Variants in BCAS3 observed in about 807,000 individuals in gnomAD.
The protein encoded by BCAS3 is BCAS3 microtubule associated cell migration factor.
Under a neutral mutation model 116.1 loss-of-function variants are expected in BCAS3, and 53 were observed. That is an observed-to-expected ratio of 0.46 (90% CI 0.37 to 0.57). The LOEUF is 0.57. Among genes scored for constraint, BCAS3 ranks in the 20% least tolerant of loss-of-function variants. The pLI is 0.00. For missense variants in BCAS3, 917 were observed against 1,165.4 expected (o/e 0.79, Z 3.10); for synonymous variants, 391 against 408.2 (o/e 0.96, Z 0.51).
intron 14 of BCAS3, among the ~76,000 whole-genome samples, chr17:60,982,430 C>T (rs1435982181): frequency 6.6e-6 from 1 of 152,166 alleles, no homozygotes; most frequent in Non-Finnish European, 1.5e-5. Flanking sequence ...ACCTTAGCCT[C>T]CTGAGTAGCT....
At chr17:60,894,730 G>T (rs949573616) in intron 10 of BCAS3, among the ~76,000 whole-genome samples, 20 of 152,172 alleles carry the variant, frequency 1.3e-4, no homozygotes, top group African/African-American at 3.9e-4. Context: ...ATTATTTTGA[G>T]ATAATTTCCT....
chr17:60,704,332 T>G (rs2036837423), intron 4 of BCAS3, among the ~76,000 whole-genome samples: 1 of 152,142 alleles, frequency 6.6e-6, no homozygotes, highest in South Asian at 2.1e-4. Context: ...CTCTATTGTT[T>G]TGTGCAAATA....
At position 61,347,297 on chromosome 17, in the gene BCAS3, G is replaced by T. The variant is rs551039364; in HGVS notation, c.2426-21030G>T. Among the ~76,000 whole-genome samples, 1 of 152,034 alleles carries T rather than the reference G, an allele frequency of 6.6e-6. No individual in the cohort carries two copies. The highest frequency in any genetic ancestry group is 1.5e-5 in the Non-Finnish European group (1 of 68,004). ...GGGTTACACCGTGTTGGCCAGGCTG[G>T]TCTCGATATGCTGACCTCAGGTGAT... is the stretch of plus-strand genomic sequence containing the variant. On this transcript the variant is annotated intron_variant, in intron 22 of 23. Transcript: ENST00000407086. The surrounding 1 kb of genome is among the most constrained non-coding windows in gnomAD (Gnocchi z 4.3).
intron 6 of BCAS3, among the ~76,000 whole-genome samples, chr17:60,793,560 CT>C (rs903108056): frequency 6.6e-6 from 1 of 152,112 alleles, no homozygotes; most frequent in Non-Finnish European, 1.5e-5. Context: ...CCCCATCTCA[CT>C]TTCCCCCCAA....
intron 6 of BCAS3, among the ~76,000 whole-genome samples, chr17:60,767,817 T>C (rs2044269677): frequency 6.6e-6 from 1 of 152,088 alleles, no homozygotes; most frequent in Non-Finnish European, 1.5e-5. Context: ...TTACATTCTT[T>C]AGAGACGGGG....
At position 61,259,013 on chromosome 17, in the gene BCAS3, G is replaced by A. The variant is rs565075227; in HGVS notation, c.2426-109314G>A. ...CTTAAACCCAAGGGTCTAAGTATCA[G>A]TGCCCTTCTCTCCTAAACATCTTGC... is the stretch of plus-strand genomic sequence containing the variant. On this transcript the variant is annotated intron_variant, in intron 22 of 23. Transcript: ENST00000407086. The surrounding 1 kb of genome is among the most constrained non-coding windows in gnomAD (Gnocchi z 4.7). 3.4e-4 allele frequency among the ~76,000 whole-genome samples: 52 copies of A among 152,288 alleles called. 1 individual carries two copies. In the Middle Eastern group the frequency reaches 0.017, roughly 50 times the overall value.
chr17:61,203,176 C>T lies in BCAS3; in HGVS notation c.2425+118612C>T, dbSNP rs1020435427. Among the ~76,000 whole-genome samples, 4 of 151,760 alleles carry T rather than the reference C, an allele frequency of 2.6e-5. No homozygotes were observed. The highest frequency in any genetic ancestry group is 1.9e-4 in the East Asian group (1 of 5,196). On this transcript the variant is annotated intron_variant, in intron 22 of 23. Transcript: ENST00000407086. This position sits in a 1 kb window ranked among gnomAD's most constrained non-coding sequence, Gnocchi z 5.7. Reference sequence around the variant, plus strand: ...ACTTCTCTTTTATTCTTCTTTTTTTCGAGACAGTTTCACTCTTGTCACTCA... The same window carrying T: ...ACTTCTCTTTTATTCTTCTTTTTTTTGAGACAGTTTCACTCTTGTCACTCA...
chr17:60,685,434 GA>G (rs2033873273), intron 3 of BCAS3, among the ~76,000 whole-genome samples: 1 of 128,522 alleles, frequency 7.8e-6, no homozygotes, highest in Non-Finnish European at 1.6e-5. Context: ...TGGGCAATAA[GA>G]GTGAAACTCC....
chr17:61,173,655 G>T (rs531089824), intron 22 of BCAS3, among the ~76,000 whole-genome samples: 16 of 152,070 alleles, frequency 1.1e-4, no homozygotes, highest in Non-Finnish European at 1.6e-4. Flanking sequence ...GAGGCTGAAG[G>T]ATCACTAGAG....
intron 23 of BCAS3, among the ~76,000 whole-genome samples, chr17:61,385,099 C>T (rs894104489): frequency 1.3e-5 from 2 of 152,206 alleles, no homozygotes; most frequent in Non-Finnish European, 2.9e-5. Context: ...GAGCCAATCT[C>T]AGCCAACTCC....
intron 4 of BCAS3, among the ~76,000 whole-genome samples, chr17:60,705,995 C>A (rs1047858103): frequency 6.6e-6 from 1 of 152,170 alleles, no homozygotes; most frequent in African/African-American, 2.4e-5. Flanking sequence ...TCTGTTACCC[C>A]TGAGGGAGAT....
intron 18 of BCAS3, 90 bp from the exon 19 acceptor site, chr17:61,040,702 T>G: frequency 9.6e-7 from 1 of 1,040,934 alleles, no homozygotes; most frequent in South Asian, 1.4e-5. Context: ...AGTGTGAGTT[T>G]AAGTCACTGT....
intron 7 of BCAS3, among the ~76,000 whole-genome samples, chr17:60,866,956 T>C (rs1248955701): frequency 6.6e-6 from 1 of 152,142 alleles, no homozygotes; most frequent in Non-Finnish European, 1.5e-5. Flanking sequence ...TTTTTCTTTA[T>C]TGTACCTTTA....
At chr17:60,736,365 T>C (rs1428654538) in intron 5 of BCAS3, among the ~76,000 whole-genome samples, 1 of 152,070 alleles carries the variant, frequency 6.6e-6, no homozygotes, top group Non-Finnish European at 1.5e-5. Context: ...TTTGTATTTT[T>C]ATTAGAGACG....
At chr17:60,686,254 C>T (rs544714161) in intron 3 of BCAS3, among the ~76,000 whole-genome samples, 5 of 152,164 alleles carry the variant, frequency 3.3e-5, no homozygotes, top group South Asian at 2.1e-4. Context: ...CAGAGTCCTG[C>T]GTTGGTACTT....
At chr17:60,772,618 A>G (rs941347652) in intron 6 of BCAS3, among the ~76,000 whole-genome samples, 1 of 152,134 alleles carries the variant, frequency 6.6e-6, no homozygotes, top group East Asian at 1.9e-4. Context: ...GGTGGCTTAC[A>G]CCTGTAATCC....
At chr17:60,736,523 T>C (rs904752305) in intron 5 of BCAS3, among the ~76,000 whole-genome samples, 15 of 152,116 alleles carry the variant, frequency 9.9e-5, no homozygotes, top group African/African-American at 3.1e-4. Context: ...AGAGTAATAC[T>C]GGCCTCCTAA....
At chr17:61,094,387 A>G (rs1473908201) in intron 22 of BCAS3, among the ~76,000 whole-genome samples, 5 of 152,246 alleles carry the variant, frequency 3.3e-5, no homozygotes, top group Non-Finnish European at 7.3e-5. Context: ...TTATTCAGAC[A>G]TGGGCATTTG....
At chr17:61,232,405 G>T (rs2082741640) in intron 22 of BCAS3, among the ~76,000 whole-genome samples, 3 of 151,974 alleles carry the variant, frequency 2.0e-5, no homozygotes, top group Admixed American at 2.0e-4. Context: ...AAAAGGTGGG[G>T]GGTGGGGAGT....
Sources: gnomAD v4.1 joint callset for allele counts (sites outside exome capture counted in the v4.1 genomes callset) on GRCh38, gnomAD v4.1.1 for gene constraint, Gnocchi (gnomAD v3.1) non-coding constraint, MANE v1.5 for transcripts, NCBI Gene and HGNC (gene_info 2026-07-23, HGNC 2026-07-21) for gene names.